The following ABHD17C variants were observed in gnomAD, a reference collection of about 807,000 sequenced individuals.
The protein encoded by ABHD17C is abhydrolase domain containing 17C, depalmitoylase.
ABHD17C carries 11 observed loss-of-function variants against 27.9 expected under a neutral mutation model. The observed-to-expected ratio is 0.39, with a 90% CI of 0.25 to 0.65. ABHD17C has a LOEUF of 0.65. ABHD17C is among the 30% of genes least tolerant of loss of function. The pLI, the probability that ABHD17C is intolerant of heterozygous loss-of-function variation, is 0.45. For missense variants in ABHD17C, 280 were observed against 470.2 expected (o/e 0.60, Z 3.74); for synonymous variants, 233 against 209.1 (o/e 1.11, Z -0.98).
At chr15:80,723,624 T>A (rs964607837) in intron 1 of ABHD17C, among the ~76,000 whole-genome samples, 31 of 152,234 alleles carry the variant, frequency 2.0e-4, no homozygotes, top group Admixed American at 1.8e-3. Context: ...AGATAGTTTA[T>A]TAACTTACAA....
At chr15:80,732,152 C>A (rs1469134254) in intron 1 of ABHD17C, among the ~76,000 whole-genome samples, 5 of 152,182 alleles carry the variant, frequency 3.3e-5, no homozygotes, top group African/African-American at 1.2e-4. Flanking sequence ...TACACACCAG[C>A]TTTGTTAGTT....
intron 1 of ABHD17C, among the ~76,000 whole-genome samples, chr15:80,709,216 TAGTG>T (rs1894695077): frequency 6.6e-6 from 1 of 151,694 alleles, no homozygotes; most frequent in South Asian, 2.1e-4. Context: ...GGGCCTGGCG[TAGTG>T]GCTCACGCCT....
At chr15:80,745,399 T>G (rs943572773) in intron 1 of ABHD17C, among the ~76,000 whole-genome samples, 1 of 152,100 alleles carries the variant, frequency 6.6e-6, no homozygotes, top group African/African-American at 2.4e-5. Context: ...GCATTTTTTT[T>G]TTTTTAAGAG....
intron 1 of ABHD17C, among the ~76,000 whole-genome samples, chr15:80,747,558 G>A (rs1895306968): frequency 6.6e-6 from 1 of 152,138 alleles, no homozygotes; most frequent in African/African-American, 2.4e-5. Context: ...CTCTGATGTG[G>A]ATTTGGGCAC....
intron 1 of ABHD17C, among the ~76,000 whole-genome samples, chr15:80,706,571 G>A (rs1894652137): frequency 6.6e-6 from 1 of 152,188 alleles, no homozygotes; most frequent in Admixed American, 6.5e-5. Flanking sequence ...AGGAGCCTGT[G>A]TTCAGAATAT....
chr15:80,700,570 A>G (rs1285509210), intron 1 of ABHD17C, among the ~76,000 whole-genome samples: 1 of 152,186 alleles, frequency 6.6e-6, no homozygotes, highest in Non-Finnish European at 1.5e-5. Flanking sequence ...CAAAAGACTT[A>G]ATATTTCATT....
At chr15:80,723,694 G>T (rs941982335) in intron 1 of ABHD17C, among the ~76,000 whole-genome samples, 21 of 152,178 alleles carry the variant, frequency 1.4e-4, no homozygotes, top group African/African-American at 4.6e-4. Flanking sequence ...CTCTGTTCAG[G>T]CACAACTTAA....
At chr15:80,737,892 G>A (rs754558303) in intron 1 of ABHD17C, among the ~76,000 whole-genome samples, 64 of 152,282 alleles carry the variant, frequency 4.2e-4, no homozygotes, top group Non-Finnish European at 7.1e-4. Context: ...CTAGATTGTG[G>A]ACATGGACTT....
chr15:80,720,937 T>A lies in ABHD17C; in HGVS notation c.590+24918T>A, dbSNP rs960179874. Among the ~76,000 whole-genome samples, 138 of 148,220 alleles carry A rather than the reference T, an allele frequency of 9.3e-4. 1 individual carries two copies. Among genetic ancestry groups the A allele is most frequent in the Non-Finnish European group, 1.4e-3 (94 of 66,076 alleles). Reference sequence around the variant, plus strand: ...CTCTGTCTCAAAAAAAAAAAAAAAATATTAATTTATGTTGAACACTTAATG... The same window carrying A: ...CTCTGTCTCAAAAAAAAAAAAAAAAAATTAATTTATGTTGAACACTTAATG... On this transcript the variant is annotated intron_variant, in intron 1 of 2. Transcript: ENST00000258884.
intron 1 of ABHD17C, among the ~76,000 whole-genome samples, chr15:80,705,333 T>TTTTGTGTGTGTGTGTGTGTG (rs10523879): frequency 4.7e-5 from 5 of 106,822 alleles, no homozygotes; most frequent in African/African-American, 7.0e-5. Context: ...TTCCTATGAT[T>TTTTGTGTGTGTGTGTGTGTG]TGTGTGTGTG....
chr15:80,726,658 A>G (rs947663917), intron 1 of ABHD17C, among the ~76,000 whole-genome samples: 8 of 151,374 alleles, frequency 5.3e-5, no homozygotes, highest in South Asian at 2.1e-4. Context: ...GACTACAGGC[A>G]CCCACCACCA....
intron 1 of ABHD17C, among the ~76,000 whole-genome samples, chr15:80,744,548 T>C (rs1427415575): frequency 1.3e-5 from 2 of 152,222 alleles, no homozygotes; most frequent in Non-Finnish European, 2.9e-5. Flanking sequence ...GCAAAGTCCT[T>C]AACACAGTGC....
At chr15:80,753,273 G>C (rs1895387634) in intron 2 of ABHD17C, among the ~76,000 whole-genome samples, 1 of 152,124 alleles carries the variant, frequency 6.6e-6, no homozygotes, top group South Asian at 2.1e-4. Context: ...CTGATGCTCT[G>C]AAGAGGTCTG....
intron 1 of ABHD17C, among the ~76,000 whole-genome samples, chr15:80,733,987 A>T (rs1295861228): frequency 2.3e-5 from 3 of 132,100 alleles, no homozygotes; most frequent in African/African-American, 6.1e-5. Flanking sequence ...TTATTTATTT[A>T]TTTATTTATT....
chr15:80,730,277 C>T (rs1046959638), intron 1 of ABHD17C, among the ~76,000 whole-genome samples: 1 of 152,218 alleles, frequency 6.6e-6, no homozygotes, highest in African/African-American at 2.4e-5. Context: ...TCTGGGACCA[C>T]TCAGTTGGGT....
intron 1 of ABHD17C, among the ~76,000 whole-genome samples, chr15:80,710,503 A>G (rs189283763): frequency 6.6e-6 from 1 of 152,224 alleles, no homozygotes; most frequent in Admixed American, 6.5e-5. Flanking sequence ...AAGGTGAGAG[A>G]CCAATTAGGA....
chr15:80,725,790 G>A lies in ABHD17C; in HGVS notation c.591-23723G>A, dbSNP rs1894964543. Among the ~76,000 whole-genome samples the A allele has an allele frequency of 2.0e-5, 3 of 151,162 alleles. No homozygotes were observed. In the Admixed American group the frequency reaches 2.0e-4, roughly 10 times the overall value. On this transcript the variant is annotated intron_variant, in intron 1 of 2. Transcript: ENST00000258884. ...CTCCCAAAGCTCTGGGATTACAGGTGTGAACCGCTGCACCAGCAGTTTTTT... is the reference window on the plus strand; with the variant it reads ...CTCCCAAAGCTCTGGGATTACAGGTATGAACCGCTGCACCAGCAGTTTTTT...
chr15:80,720,089 C>T (rs779138864), intron 1 of ABHD17C, among the ~76,000 whole-genome samples: 1 of 152,156 alleles, frequency 6.6e-6, no homozygotes, highest in African/African-American at 2.4e-5. Context: ...CGTGAGCTAC[C>T]GCAACCAGCC....
intron 2 of ABHD17C, 127 bp from the exon 3 acceptor site, chr15:80,754,023 CA>C (rs1048914495): frequency 4.5e-5 from 35 of 773,370 alleles, no homozygotes; most frequent in Non-Finnish European, 5.2e-5. Flanking sequence ...ACAAAACAAA[CA>C]AAAAAAACCC....
Sources: allele counts gnomAD v4.1 joint callset (sites outside exome capture counted in the v4.1 genomes callset), GRCh38; gene constraint gnomAD v4.1.1; transcripts MANE v1.5; gene names NCBI Gene and HGNC (gene_info 2026-07-23, HGNC 2026-07-21).